Variants in DCAF1 observed in about 807,000 individuals in gnomAD.
DCAF1 encodes the protein DDB1- and CUL4-associated factor 1.
DCAF1 carries 15 observed loss-of-function variants against 128.0 expected under a neutral mutation model. The ratio of observed to expected loss-of-function variants is 0.12; its 90% CI spans 0.08 to 0.18. DCAF1 has a LOEUF of 0.18. Among genes scored for constraint, DCAF1 ranks in the 10% least tolerant of loss-of-function variants. DCAF1 has a pLI of 1.00. For missense variants in DCAF1, 988 were observed against 1,649.5 expected, an observed-to-expected ratio of 0.60 and a Z score of 6.95; for synonymous variants, 610 against 603.0, an observed-to-expected ratio of 1.01 and a Z score of -0.17.
Position 51,451,069 on chromosome 3 carries a change from C to CTTTTTTTTTT in DCAF1, c.376-7176_376-7167dup. ...CAATGAACAATATAAAAAGGAAATT[C>CTTTTTTTTTT]TTTTTTTTTTTTTTTTTTTTTTTTT... On this transcript the variant is annotated intron_variant, in intron 6 of 24. Coordinates refer to ENST00000684031, the MANE Select transcript of DCAF1 (RefSeq NM_001387579.1). Among the ~76,000 whole-genome samples, 268 of 27,110 alleles carry CTTTTTTTTTT rather than the reference C, an allele frequency of 9.9e-3. 112 individuals are homozygous for CTTTTTTTTTT. The highest frequency in any genetic ancestry group is 0.014 in the African/African-American group (106 of 7,740). The allele number at this position is 27,110 out of a possible 152,430, so 17.8% of individuals were successfully genotyped here. A position where few individuals can be genotyped will look rare whatever the true frequency, so the allele number is the denominator to read the frequency against.
At position 51,429,321 on chromosome 3, in the gene DCAF1, C is replaced by T; in HGVS notation, c.1617G>A (p.Val539=). The change falls in exon 12 of 25, where the codon GTG becomes GTA. Residue 539 remains valine (V), a synonymous_variant. Coordinates refer to ENST00000684031, the MANE Select transcript of DCAF1 (RefSeq NM_001387579.1). ...EAHLAIKLEQ[V]KQSLQRTEGG... ...CCTCAGTCCTCTGAAGTGACTGCTT[C>T]ACTTGTTCCAATTTAATGGCCAGGT... The T allele has an allele frequency of 1.3e-6, 1 of 780,848 alleles. No individual in the cohort carries two copies. 48.4% of individuals were successfully genotyped at this position (780,848 alleles called of 1,614,324 possible). A position where few individuals can be genotyped will look rare whatever the true frequency, so the allele number is the denominator to read the frequency against.
intron 9 of DCAF1, among the ~76,000 whole-genome samples, chr3:51,438,591 G>A (rs1423044519): frequency 2.0e-5 from 3 of 152,182 alleles, no homozygotes; most frequent in Non-Finnish European, 4.4e-5. Context: ...TTTTAAGTGA[G>A]ACTGTGAATA....
intron 2 of DCAF1, among the ~76,000 whole-genome samples, chr3:51,487,728 G>C (rs948048630): frequency 6.6e-6 from 1 of 151,524 alleles, no homozygotes; most frequent in African/African-American, 2.4e-5. Context: ...TTTAAAGACA[G>C]GGTCCCCCTC....
In DCAF1 at chr3:51,420,000, T is replaced by C. The variant is rs781867633; in HGVS notation, c.2970A>G (p.Ile990Met). 2 of 1,614,034 alleles carry C rather than the reference T, an allele frequency of 1.2e-6. No individual in the cohort carries two copies. The highest frequency in any genetic ancestry group is 1.1e-5 in the South Asian group (1 of 91,086). Reference protein sequence around the residue: ...DHGAYSQSPAIKKQLDRHLPS... With the variant: ...DHGAYSQSPAMKKQLDRHLPS... ...GAAGATGTCTGTCCAGCTGTTTTTTTATGGCTGGGCTTTGGCTGTAGGCAC... is the reference window on the plus strand; with the variant it reads ...GAAGATGTCTGTCCAGCTGTTTTTTCATGGCTGGGCTTTGGCTGTAGGCAC... The change falls in exon 15 of 25, where the codon ATA (isoleucine) becomes ATG (methionine). Residue 990 changes from isoleucine (I) to methionine (M), a missense_variant. Around this residue, in one of 11 missense-constraint regions of DCAF1, gnomAD observed 105 missense variants for 266.7 expected, o/e 0.39. Coordinates refer to ENST00000684031, the MANE Select transcript of DCAF1 (RefSeq NM_001387579.1).
intron 5 of DCAF1, among the ~76,000 whole-genome samples, chr3:51,465,972 G>A (rs1233322963): frequency 5.3e-5 from 8 of 152,130 alleles, no homozygotes; most frequent in Admixed American, 2.0e-4. Flanking sequence ...GCCAAGGTGG[G>A]TGGATAACTT....
At chr3:51,424,250 A>C (rs781950499) in intron 13 of DCAF1, among the ~76,000 whole-genome samples, 1 of 151,958 alleles carries the variant, frequency 6.6e-6, no homozygotes, top group Non-Finnish European at 1.5e-5. Flanking sequence ...AAATACAAAA[A>C]TTAGCTGGGC....
At chr3:51,462,676 G>T (rs1703731453) in intron 6 of DCAF1, among the ~76,000 whole-genome samples, 1 of 149,884 alleles carries the variant, frequency 6.7e-6, no homozygotes, top group African/African-American at 2.5e-5. Context: ...AGCCCGGGAG[G>T]CAGAGGTTGT....
chr3:51,413,722 C>T (rs1698634516), intron 20 of DCAF1, among the ~76,000 whole-genome samples: 1 of 152,180 alleles, frequency 6.6e-6, no homozygotes, highest in African/African-American at 2.4e-5. Flanking sequence ...AAATTTCTTT[C>T]CATACAAGAT....
chr3:51,465,194 G>A (rs1394590572), intron 5 of DCAF1, among the ~76,000 whole-genome samples: 10 of 152,170 alleles, frequency 6.6e-5, no homozygotes, highest in African/African-American at 2.2e-4. Flanking sequence ...AAGGTGAAGG[G>A]AGTAATAACA....
At chr3:51,485,965 C>T (rs1706903301) in intron 2 of DCAF1, among the ~76,000 whole-genome samples, 1 of 150,372 alleles carries the variant, frequency 6.7e-6, no homozygotes, top group South Asian at 2.1e-4. Flanking sequence ...CATCTCGGCT[C>T]ACTGTAACGT....
intron 6 of DCAF1, among the ~76,000 whole-genome samples, chr3:51,457,262 C>T (rs1320909008): frequency 1.3e-5 from 2 of 151,958 alleles, no homozygotes; most frequent in African/African-American, 2.4e-5. Context: ...AGCTACGTGA[C>T]GAATGCAGAA....
At position 51,399,333 on chromosome 3, in the gene DCAF1, G is replaced by A. The variant is rs550261353; in HGVS notation, c.4466-506C>T. Among the ~76,000 whole-genome samples, 3 of 152,284 alleles carry A rather than the reference G, an allele frequency of 2.0e-5. 1 individual carries two copies. The highest frequency in any genetic ancestry group is 6.8e-3 in the Middle Eastern group (2 of 294). ...CACTCCCTTCAATCCTCAGAAGACC[G>A]ACCACCAAGGCAGAGATAGTCACCC... On this transcript the variant is annotated intron_variant, in intron 24 of 24. Transcript: ENST00000684031.
intron 6 of DCAF1, among the ~76,000 whole-genome samples, chr3:51,447,750 C>T (rs1466340936): frequency 2.0e-5 from 3 of 152,018 alleles, no homozygotes; most frequent in African/African-American, 4.8e-5. Context: ...GAGTTCGAGA[C>T]GAGCCTGGTC....
chr3:51,490,413 A>G (rs1303591118), intron 2 of DCAF1, among the ~76,000 whole-genome samples: 2 of 152,180 alleles, frequency 1.3e-5, no homozygotes, highest in South Asian at 2.1e-4. Context: ...CATTGAAGAC[A>G]TAGCGGGACC....
chr3:51,495,194 G>A (rs1254986908), intron 2 of DCAF1, among the ~76,000 whole-genome samples: 1 of 151,634 alleles, frequency 6.6e-6, no homozygotes, highest in Non-Finnish European at 1.5e-5. Flanking sequence ...CGTGGCAGCA[G>A]GCGCCTGCAA....
chr3:51,463,327 G>A (rs1201028620), intron 5 of DCAF1, 100 bp from the exon 6 acceptor site: 1 of 587,750 alleles, frequency 1.7e-6, no homozygotes, highest in Non-Finnish European at 2.7e-6. Flanking sequence ...CTTTCTTAAC[G>A]GGTATGAAAG....
chr3:51,447,455 T>C (rs1284260042), intron 6 of DCAF1, among the ~76,000 whole-genome samples: 1 of 151,996 alleles, frequency 6.6e-6, no homozygotes, highest in African/African-American at 2.4e-5. Flanking sequence ...GAAGAACACA[T>C]TTTTGGAAAT....
At chr3:51,430,368 C>G (rs975502973) in intron 10 of DCAF1, among the ~76,000 whole-genome samples, 156 bp from the exon 11 acceptor site, 1 of 152,116 alleles carries the variant, frequency 6.6e-6, no homozygotes, top group Admixed American at 6.6e-5. Context: ...AATACAAAGG[C>G]AATTTTAGAA....
chr3:51,432,114 T>C (rs77421427), intron 10 of DCAF1, among the ~76,000 whole-genome samples: 1 of 150,996 alleles, frequency 6.6e-6, no homozygotes, highest in Admixed American at 6.6e-5. Flanking sequence ...TTACTACAAA[T>C]ACAAAAATTA....
Sources: gnomAD v4.1 joint callset for allele counts (sites outside exome capture counted in the v4.1 genomes callset) on GRCh38, gnomAD v4.1.1 for gene constraint, gnomAD v4.1.1 regional missense constraint, MANE v1.5 for transcripts, NCBI Gene and HGNC (gene_info 2026-07-23, HGNC 2026-07-21) for gene names.